Variants in APC observed in about 807,000 individuals in gnomAD.
The protein encoded by APC is APC regulator of Wnt signaling pathway.
Under a neutral mutation model 247.0 loss-of-function variants are expected in APC, and 72 were observed. The observed-to-expected ratio is 0.29, with a 90% CI of 0.24 to 0.35. The LOEUF is 0.35. APC is among the 10% of genes least tolerant of loss of function. The pLI is 1.00. For missense variants in APC, 3,400 were observed against 3,360.7 expected (o/e 1.01, Z -0.29); for synonymous variants, 1,254 against 1,162.5 (o/e 1.08, Z -1.60).
intron 2 of APC, among the ~76,000 whole-genome samples, chr5:112,756,074 C>A (rs1016612515): frequency 6.6e-6 from 1 of 151,828 alleles, no homozygotes; most frequent in African/African-American, 2.4e-5. Flanking sequence ...ACTCTTATTC[C>A]TTACTAATTT....
chr5:112,800,919 G>C (rs753671055), intron 7 of APC, among the ~76,000 whole-genome samples: 2 of 152,002 alleles, frequency 1.3e-5, no homozygotes, highest in Non-Finnish European at 2.9e-5. Flanking sequence ...TGTATTTGCA[G>C]CTCCATTAAA....
At position 112,842,799 on chromosome 5, in the gene APC, A is replaced by C. The variant is rs745843442; in HGVS notation, c.7205A>C (p.Asn2402Thr). The C allele has an allele frequency of 1.9e-6, 3 of 1,613,650 alleles. No homozygotes were observed. In the African/African-American group the frequency reaches 4.0e-5, roughly 22 times the overall value. The change falls in exon 16 of 16, where the codon AAT (asparagine) becomes ACT (threonine). Residue 2402 changes from asparagine (N) to threonine (T), a missense_variant. Around this residue, in one of 9 missense-constraint regions of APC, gnomAD observed 1,788 missense variants for 1,649.5 expected, o/e 1.08. Transcript: ENST00000257430. ...AGTGAGTCTGCCTCCAAAGGACTAA[A>C]TCAGATGAATAATGGTAATGGAGCC... ...PRSESASKGL[N>T]QMNNGNGANK...
intron 1 of APC, among the ~76,000 whole-genome samples, chr5:112,710,044 C>T (rs1750759147): frequency 6.6e-6 from 1 of 152,180 alleles, no homozygotes; most frequent in South Asian, 2.1e-4. Flanking sequence ...TCATTTGCCT[C>T]CCTGTGTAAC....
chr5:112,707,614 A>T lies in APC; in HGVS notation c.-104A>T, dbSNP rs909684637. 3 of 1,231,864 alleles carry T rather than the reference A, an allele frequency of 2.4e-6. No homozygotes were observed. The highest frequency in any genetic ancestry group is 3.0e-5 in the African/African-American group (2 of 66,490). 76.3% of individuals were successfully genotyped at this position (1,231,864 alleles called of 1,614,324 possible). A position where few individuals can be genotyped will look rare whatever the true frequency, so the allele number is the denominator to read the frequency against. ...GGGGACCTGCGGGCTCAGGCCCGGG[A>T]GCTGCGGACCGAGGTTGGCTCGATG... On this transcript the variant is annotated 5_prime_UTR_variant, in exon 1 of 14. Coordinates refer to the APC transcript ENST00000507379.
chr5:112,810,177 G>T (rs754449117), intron 8 of APC: 14 of 455,778 alleles, frequency 3.1e-5, no homozygotes, highest in Non-Finnish European at 5.7e-5. Flanking sequence ...CAGTAGAGAA[G>T]AGAGTTGAAG....
At chr5:112,758,326 TTTTTG>T (rs1314720725) in intron 2 of APC, among the ~76,000 whole-genome samples, 1 of 152,008 alleles carries the variant, frequency 6.6e-6, no homozygotes, top group Non-Finnish European at 1.5e-5. Flanking sequence ...TGTTTTTTGT[TTTTTG>T]TTTTTTGTTT....
intron 1 of APC, among the ~76,000 whole-genome samples, chr5:112,721,919 A>C (rs1343440761): frequency 1.3e-5 from 2 of 152,132 alleles, no homozygotes; most frequent in East Asian, 3.8e-4. Flanking sequence ...TGTTTTAAGA[A>C]AGTTTACGAA....
intron 10 of APC, among the ~76,000 whole-genome samples, chr5:112,820,351 TG>T (rs1210369821): frequency 6.6e-6 from 1 of 152,004 alleles, no homozygotes; most frequent in Non-Finnish European, 1.5e-5. Flanking sequence ...AATCTAAAAA[TG>T]TTCAAGGATA....
At position 112,775,674 on chromosome 5, in the gene APC, C is replaced by G. The variant is rs752627126; in HGVS notation, c.468C>G (p.Asp156Glu). 4 of 1,607,240 alleles carry G rather than the reference C, an allele frequency of 2.5e-6. No individual in the cohort carries two copies. The African/African-American group carries it at 4.0e-5, about 16-fold the overall frequency. Residue 156 changes from aspartate to glutamate, a missense_variant, in exon 5 of 16, where the codon GAC (aspartate) becomes GAG (glutamate). Asp to Glu is a conservative substitution (Grantham distance 45). This residue lies in a region of APC where 372 missense variants were observed against 367.6 expected (regional missense o/e 1.01). Coordinates refer to ENST00000257430, the MANE Select transcript of APC (RefSeq NM_000038.6). ...ADLDKEEKEK[D>E]WYYAQLQNLT... ...TTGACAAAGAAGAAAAGGAAAAAGA[C>G]TGGTATTACGCTCAACTTCAGAATC...
chr5:112,726,194 A>G (rs1201255550), intron 1 of APC, among the ~76,000 whole-genome samples: 1 of 152,224 alleles, frequency 6.6e-6, no homozygotes, highest in African/African-American at 2.4e-5. Flanking sequence ...AGCCTTGCAG[A>G]CGACTTAAGT....
intron 5 of APC, 150 bp from the exon 6 acceptor site, chr5:112,780,640 C>T (rs553168729): frequency 5.5e-5 from 33 of 595,884 alleles, no homozygotes; most frequent in Non-Finnish European, 9.4e-5. Context: ...CAAATTTAAA[C>T]ACTCCTTGGA....
intron 1 of APC, among the ~76,000 whole-genome samples, chr5:112,742,849 G>C (rs746159719): frequency 3.3e-5 from 5 of 152,150 alleles, no homozygotes; most frequent in Non-Finnish European, 7.3e-5. Context: ...TATATTTTAA[G>C]ATCATTACAT....
chr5:112,739,078 C>A (rs926436778), intron 1 of APC, among the ~76,000 whole-genome samples: 5 of 152,102 alleles, frequency 3.3e-5, no homozygotes, highest in African/African-American at 1.2e-4. Flanking sequence ...TTTTATATTT[C>A]TCTTTGGTTG....
At chr5:112,792,421 A>G (rs752821243) in intron 6 of APC, 25 bp from the exon 7 acceptor site, 2 of 1,512,170 alleles carry the variant, frequency 1.3e-6, no homozygotes, top group Non-Finnish European at 1.8e-6. Flanking sequence ...AAACATAACT[A>G]ATTAGGTTTC....
At chr5:112,792,253 AAAG>A (rs1279708012) in intron 6 of APC, among the ~76,000 whole-genome samples, 190 bp from the exon 7 acceptor site, 5 of 152,282 alleles carry the variant, frequency 3.3e-5, no homozygotes, top group African/African-American at 1.2e-4. Flanking sequence ...CTCGAAAAAA[AAAG>A]AAAAAAAGAA....
intron 4 of APC, among the ~76,000 whole-genome samples, chr5:112,768,351 C>G (rs1213614087): frequency 1.4e-5 from 2 of 147,930 alleles, no homozygotes; most frequent in African/African-American, 5.0e-5. Context: ...GGCCAAGACT[C>G]TGTCTCTTTA....
chr5:112,838,165 A>G lies in APC; in HGVS notation c.2571A>G (p.Gly857=), dbSNP rs1561578068. 1.9e-6 allele frequency: 3 copies of G among 1,614,180 alleles called. No homozygotes were observed. The highest frequency in any genetic ancestry group is 1.7e-4 in the Middle Eastern group (1 of 6,060). Reference sequence around the variant, plus strand: ...ATAGAAGTTTGGAGAGAGAACGCGGAATTGGTCTAGGCAACTACCATCCAG... The same window carrying G: ...ATAGAAGTTTGGAGAGAGAACGCGGGATTGGTCTAGGCAACTACCATCCAG... ...EKDRSLERER[G]IGLGNYHPAT... is the part of the protein sequence containing the mutation. The change falls in exon 16 of 16, where the codon GGA becomes GGG. Residue 857 remains glycine (G), a synonymous_variant. Transcript: ENST00000257430.
chr5:112,808,394 C>T (rs1251609934), intron 8 of APC, among the ~76,000 whole-genome samples: 1 of 152,088 alleles, frequency 6.6e-6, no homozygotes, highest in Non-Finnish European at 1.5e-5. Flanking sequence ...GTTTTACGGC[C>T]ATTTAGTTAT....
chr5:112,816,516 G>A (rs1213105939), intron 9 of APC, among the ~76,000 whole-genome samples: 1 of 152,086 alleles, frequency 6.6e-6, no homozygotes, highest in Non-Finnish European at 1.5e-5. Flanking sequence ...ACTTTAAGCC[G>A]GATGTGGTGG....
Sources: gnomAD v4.1 joint callset for allele counts (sites outside exome capture counted in the v4.1 genomes callset) on GRCh38, gnomAD v4.1.1 for gene constraint, gnomAD v4.1.1 regional missense constraint, MANE v1.5 for transcripts, NCBI Gene and HGNC (gene_info 2026-07-23, HGNC 2026-07-21) for gene names.